Variants in ATP6V1C1 observed in about 807,000 individuals in gnomAD.
ATP6V1C1 encodes the protein ATPase H+ transporting V1 subunit C1, also known as V-type proton ATPase subunit C 1.
In ATP6V1C1, 45 loss-of-function variants were observed where a neutral mutation model predicts 53.9. The observed-to-expected ratio is 0.83, with a 90% CI of 0.66 to 1.07. The LOEUF (loss-of-function observed/expected upper bound fraction) is 1.07, where lower values mean the gene tolerates loss of function less well. Among genes scored for constraint, ATP6V1C1 ranks in the 50% least tolerant of loss-of-function variants. The pLI is 0.00. For synonymous variants in ATP6V1C1, 153 were observed against 155.2 expected, an observed-to-expected ratio of 0.99 and a Z score of 0.11; for missense variants, 315 against 440.3, an observed-to-expected ratio of 0.72 and a Z score of 2.55.
At chr8:103,048,537 T>G (rs1299554794) in intron 3 of ATP6V1C1, among the ~76,000 whole-genome samples, 1 of 152,242 alleles carries the variant, frequency 6.6e-6, no homozygotes, top group Non-Finnish European at 1.5e-5. Flanking sequence ...TTCTCAGTCC[T>G]TAAATTGTCT....
chr8:103,051,515 T>C (rs1563606599), intron 5 of ATP6V1C1, among the ~76,000 whole-genome samples: 2 of 152,162 alleles, frequency 1.3e-5, no homozygotes, highest in African/African-American at 2.4e-5. Context: ...TATGTTTATG[T>C]GCATACAATA....
chr8:103,066,354 A>T lies in ATP6V1C1; in HGVS notation c.960A>T (p.Leu320=). Residue 320 remains leucine, a synonymous_variant, in exon 12 of 13, where the codon CTA becomes CTT. Coordinates refer to ENST00000518738, the MANE Select transcript of ATP6V1C1 (RefSeq NM_001695.5). ...YGLPVNFQAM[L]LQPNKKTLKK... is the part of the protein sequence containing the mutation. ...TGCCAGTGAACTTCCAAGCAATGCT[A>T]CTTCAGCCCAATAAGAAAACTTTGA... 6.2e-7 allele frequency: 1 copy of T among 1,613,480 alleles called. No individual in the cohort carries two copies. The highest frequency in any genetic ancestry group is 8.5e-7 in the Non-Finnish European group (1 of 1,179,866).
chr8:103,068,078 C>T (rs921417017), intron 12 of ATP6V1C1, among the ~76,000 whole-genome samples: 13 of 152,312 alleles, frequency 8.5e-5, no homozygotes, highest in Middle Eastern at 3.4e-3. Context: ...CCTCTATGCT[C>T]AAGTGATCCT....
intron 1 of ATP6V1C1, among the ~76,000 whole-genome samples, chr8:103,030,425 T>G (rs113301117): frequency 4.6e-5 from 7 of 152,296 alleles, no homozygotes; most frequent in African/African-American, 1.7e-4. Context: ...CAAAACCAGA[T>G]GAGACTTCAG....
At chr8:103,035,568 C>T (rs753818684) in intron 1 of ATP6V1C1, among the ~76,000 whole-genome samples, 1 of 151,938 alleles carries the variant, frequency 6.6e-6, no homozygotes, top group Non-Finnish European at 1.5e-5. Flanking sequence ...ATCTGGGATA[C>T]GGGGGAGAGT....
intron 12 of ATP6V1C1, among the ~76,000 whole-genome samples, chr8:103,067,598 C>CTTTTTTTTTT (rs764474136): frequency 8.7e-6 from 1 of 114,980 alleles, no homozygotes; most frequent in Non-Finnish European, 1.8e-5. Flanking sequence ...TTTTCTTTTT[C>CTTTTTTTTTT]TTTTTTTTTT....
chr8:103,029,694 C>G (rs188941073), intron 1 of ATP6V1C1, among the ~76,000 whole-genome samples: 3 of 152,064 alleles, frequency 2.0e-5, no homozygotes, highest in African/African-American at 7.2e-5. Flanking sequence ...TTAATGATGA[C>G]AAATTGTTAC....
chr8:103,068,903 T>C lies in ATP6V1C1; in HGVS notation c.*156T>C. On this transcript the variant is annotated 3_prime_UTR_variant, in exon 13 of 13. Coordinates refer to ENST00000518738, the MANE Select transcript of ATP6V1C1 (RefSeq NM_001695.5). ...CCCACAGTGGTCTGTATCTCAACAT[T>C]TTCTTTTTAAAGGAAAAAATATATA... The C allele has an allele frequency of 4.8e-6, 2 of 419,600 alleles. No homozygotes were observed. The highest frequency in any genetic ancestry group is 4.1e-5 in the African/African-American group (2 of 48,918). 26.0% of individuals were successfully genotyped at this position (419,600 alleles called of 1,614,324 possible). A position where few individuals can be genotyped will look rare whatever the true frequency, so the allele number is the denominator to read the frequency against.
chr8:103,057,951 T>G (rs901828223), intron 8 of ATP6V1C1, among the ~76,000 whole-genome samples: 1 of 152,110 alleles, frequency 6.6e-6, no homozygotes, highest in Admixed American at 6.5e-5. Context: ...TGACAGATCT[T>G]TAGGGCATTA....
At position 103,063,178 on chromosome 8, in the gene ATP6V1C1, G is replaced by A. The variant is rs1817433433; in HGVS notation, c.778G>A (p.Ala260Thr). ...CCAGTATAATGAAGAGGAGATGAAA[G>A]CAGATAAAGAAGAAATGAACAGGCT... The part of the protein sequence containing the change: ...DFQYNEEEMK[A>T]DKEEMNRLST... Residue 260 changes from alanine to threonine, a missense_variant, in exon 10 of 13, where the codon GCA becomes ACA. Coordinates refer to ENST00000518738, the MANE Select transcript of ATP6V1C1 (RefSeq NM_001695.5). The A allele has an allele frequency of 1.2e-6, 2 of 1,612,564 alleles. No individual in the cohort carries two copies. Among genetic ancestry groups the A allele is most frequent in the African/African-American group, 1.3e-5 (1 of 74,810 alleles).
chr8:103,060,463 G>A (rs1008360922), intron 8 of ATP6V1C1, among the ~76,000 whole-genome samples: 6 of 152,192 alleles, frequency 3.9e-5, no homozygotes, highest in Non-Finnish European at 4.4e-5. Context: ...AGTGTATCAT[G>A]TATATTTTCT....
At chr8:103,041,392 C>T (rs1056255527) in intron 2 of ATP6V1C1, among the ~76,000 whole-genome samples, 3 of 152,100 alleles carry the variant, frequency 2.0e-5, no homozygotes, top group South Asian at 2.1e-4. Context: ...TTATTTAATC[C>T]GGTTAATCTA....
At chr8:103,059,004 T>C (rs1452407401) in intron 8 of ATP6V1C1, among the ~76,000 whole-genome samples, 1 of 151,712 alleles carries the variant, frequency 6.6e-6, no homozygotes, top group East Asian at 1.9e-4. Flanking sequence ...TTTTGTCTGC[T>C]TTTGCTTGTT....
At chr8:103,066,585 A>G (rs1352449484) in intron 12 of ATP6V1C1, 138 bp downstream of exon 12, 2 of 960,606 alleles carry the variant, frequency 2.1e-6, no homozygotes, top group Non-Finnish European at 2.9e-6. Context: ...TCAATTTGTT[A>G]TGTAAACATA....
intron 3 of ATP6V1C1, among the ~76,000 whole-genome samples, chr8:103,043,489 A>ATT (rs60182020): frequency 2.1e-5 from 3 of 141,942 alleles, no homozygotes; most frequent in Admixed American, 2.1e-4. Context: ...CGCCCAGCTA[A>ATT]TTTTTTTTTT....
chr8:103,030,642 T>TG (rs1313650534), intron 1 of ATP6V1C1, among the ~76,000 whole-genome samples: 2 of 152,202 alleles, frequency 1.3e-5, no homozygotes, highest in Non-Finnish European at 2.9e-5. Context: ...GGAACACCCG[T>TG]GCAGAGCATC....
intron 1 of ATP6V1C1, among the ~76,000 whole-genome samples, chr8:103,028,369 A>AT (rs899062217): frequency 6.6e-6 from 1 of 152,162 alleles, no homozygotes; most frequent in Non-Finnish European, 1.5e-5. Flanking sequence ...AGATTGGCAG[A>AT]TTTGAGTTTT....
chr8:103,030,960 A>G (rs1816787359), intron 1 of ATP6V1C1, among the ~76,000 whole-genome samples: 1 of 152,174 alleles, frequency 6.6e-6, no homozygotes, highest in Admixed American at 6.5e-5. Context: ...AGTTAGCCCT[A>G]GAGTAAGGCC....
At chr8:103,043,671 C>CTGATG (rs1188944212) in intron 3 of ATP6V1C1, among the ~76,000 whole-genome samples, 1 of 151,836 alleles carries the variant, frequency 6.6e-6, no homozygotes, top group African/African-American at 2.4e-5. Context: ...TCCCTGTTGG[C>CTGATG]TGATGTGATG....
Sources: allele counts gnomAD v4.1 joint callset (sites outside exome capture counted in the v4.1 genomes callset), GRCh38; gene constraint gnomAD v4.1.1; transcripts MANE v1.5; gene names NCBI Gene and HGNC (gene_info 2026-07-23, HGNC 2026-07-21).